Variants in KDM5A observed in about 807,000 individuals in gnomAD.
KDM5A encodes lysine-specific demethylase 5A.
In KDM5A, 42 loss-of-function variants were observed where a neutral mutation model predicts 193.5. The ratio of observed to expected loss-of-function variants is 0.22; its 90% CI spans 0.17 to 0.28. The LOEUF (loss-of-function observed/expected upper bound fraction) is 0.28. KDM5A is among the 10% of genes least tolerant of loss of function. The pLI is 1.00. For synonymous variants in KDM5A, 796 were observed against 718.1 expected (o/e 1.11, Z -1.73); for missense variants, 1,692 against 2,055.1 (o/e 0.82, Z 3.42).
At chr12:378,011 T>C (rs1944528702) in intron 3 of KDM5A, among the ~76,000 whole-genome samples, 1 of 152,218 alleles carries the variant, frequency 6.6e-6, no homozygotes, top group Admixed American at 6.5e-5. Flanking sequence ...TAAAAATTAA[T>C]GTAACTACAC....
rs16929172 is a variant in KDM5A at position 289,299 on chromosome 12, T to A, written c.4866+3460A>T. Among the ~76,000 whole-genome samples the A allele has an allele frequency of 2.6e-3, 390 of 152,272 alleles. 16 individuals carry two copies. The East Asian group carries it at 0.067, about 26-fold the overall frequency. On this transcript the variant is annotated intron_variant, in intron 27 of 27. Coordinates refer to ENST00000399788, the MANE Select transcript of KDM5A (RefSeq NM_001042603.3). ...GATATTTTTTCTAGTTAACTTGTTT[T>A]ATCTTTGGTACCAATAAGACTGAAT...
intron 3 of KDM5A, among the ~76,000 whole-genome samples, chr12:370,967 A>G (rs1944420490): frequency 6.6e-6 from 1 of 152,196 alleles, no homozygotes. Flanking sequence ...ATGGCTGCAT[A>G]GTATTCCATG....
intron 3 of KDM5A, among the ~76,000 whole-genome samples, chr12:379,053 A>G (rs1186905499): frequency 2.0e-5 from 3 of 152,090 alleles, no homozygotes; most frequent in African/African-American, 7.2e-5. Context: ...TAATAGGGAG[A>G]AAGATGAAGT....
rs1317297278 is a variant in KDM5A at position 318,161 on chromosome 12, G to A, written c.2842C>T (p.Leu948Phe). 2 of 1,614,102 alleles carry A rather than the reference G, an allele frequency of 1.2e-6. No homozygotes were observed. The highest frequency in any genetic ancestry group is 1.7e-5 in the Admixed American group (1 of 60,010). The change falls in exon 19 of 28, where the codon CTC (leucine) becomes TTC (phenylalanine). Residue 948 changes from leucine (L) to phenylalanine (F), a missense_variant. Leu to Phe is a conservative substitution (Grantham distance 22). This residue lies in a region of KDM5A where 965 missense variants were observed against 1,061.0 expected (regional missense o/e 0.91). Coordinates refer to ENST00000399788, the MANE Select transcript of KDM5A (RefSeq NM_001042603.3). ...TCCCATCGTTCAGAGACTGTAAGGA[G>A]CTCCTGTAGTTCAGCCATTGCTTTC... The part of the protein sequence containing the change: ...VEKAMAELQE[L>F]LTVSERWEEK...
At chr12:315,385 C>T (rs1263478350) in intron 19 of KDM5A, among the ~76,000 whole-genome samples, 1 of 152,014 alleles carries the variant, frequency 6.6e-6, no homozygotes, top group Non-Finnish European at 1.5e-5. Context: ...ACAAGGCTGG[C>T]CAACATGGCG....
intron 10 of KDM5A, among the ~76,000 whole-genome samples, chr12:342,893 C>T (rs1036454164): frequency 2.6e-5 from 4 of 151,884 alleles, no homozygotes; most frequent in African/African-American, 9.7e-5. Context: ...GCATTTCCAA[C>T]TGAGATACCT....
chr12:349,393 T>A (rs188970270), intron 10 of KDM5A, among the ~76,000 whole-genome samples: 1 of 148,016 alleles, frequency 6.8e-6, no homozygotes, highest in South Asian at 2.1e-4. Context: ...TGCAGTGGCA[T>A]GATCTCAGCT....
At chr12:343,497 C>A (rs1207299876) in intron 10 of KDM5A, among the ~76,000 whole-genome samples, 1 of 152,150 alleles carries the variant, frequency 6.6e-6, no homozygotes, top group Non-Finnish European at 1.5e-5. Context: ...CTGGGAGACA[C>A]CCCTAGTAGG....
At position 285,246 on chromosome 12, in the gene KDM5A, A is replaced by G. The variant is rs574588609; in HGVS notation, c.*210T>C. ...GGAGACATGAAATATTGGCTGTTGTACCAAAGAAGACACCCTCTGCATAGA... is the reference window on the plus strand; with the variant it reads ...GGAGACATGAAATATTGGCTGTTGTGCCAAAGAAGACACCCTCTGCATAGA... On this transcript the variant is annotated 3_prime_UTR_variant, in exon 28 of 28. Coordinates refer to ENST00000399788, the MANE Select transcript of KDM5A (RefSeq NM_001042603.3). 1.7e-6 allele frequency: 1 copy of G among 595,482 alleles called. No homozygotes were observed. Among genetic ancestry groups the G allele is most frequent in the East Asian group, 2.8e-5 (1 of 36,026 alleles). 36.9% of individuals were successfully genotyped at this position (595,482 alleles called of 1,614,324 possible).
At chr12:342,044 T>C (rs1003108943) in intron 10 of KDM5A, among the ~76,000 whole-genome samples, 4 of 151,962 alleles carry the variant, frequency 2.6e-5, no homozygotes, top group African/African-American at 9.7e-5. Context: ...ACTGTCAGCT[T>C]AGGAAAAAAA....
At chr12:320,555 C>T (rs1270798098) in intron 18 of KDM5A, among the ~76,000 whole-genome samples, 4 of 151,974 alleles carry the variant, frequency 2.6e-5, no homozygotes, top group Non-Finnish European at 5.9e-5. Flanking sequence ...CCCTCAAACA[C>T]AAAAACACCC....
chr12:350,844 T>C, intron 9 of KDM5A, 65 bp from the exon 10 acceptor site: 1 of 1,397,594 alleles, frequency 7.2e-7, no homozygotes, highest in Non-Finnish European at 1.0e-6. Flanking sequence ...TATAACATAA[T>C]ACACAGGATC....
At chr12:356,287 A>G (rs1944228536) in intron 6 of KDM5A, 145 bp downstream of exon 6, 2 of 658,064 alleles carry the variant, frequency 3.0e-6, no homozygotes, top group Non-Finnish European at 5.4e-6. Flanking sequence ...TCTGGCATTA[A>G]AAAAGGCGAT....
intron 10 of KDM5A, among the ~76,000 whole-genome samples, chr12:347,593 C>T (rs1591924551): frequency 6.6e-6 from 1 of 152,140 alleles, no homozygotes; most frequent in African/African-American, 2.4e-5. Flanking sequence ...GAACAGAGCC[C>T]TCAGAAATAA....
At chr12:330,528 G>A (rs1196916266) in intron 13 of KDM5A, among the ~76,000 whole-genome samples, 2 of 152,120 alleles carry the variant, frequency 1.3e-5, no homozygotes, top group Non-Finnish European at 2.9e-5. Flanking sequence ...AATGGGAACA[G>A]CAGAAACTAT....
At chr12:322,341 A>T in intron 17 of KDM5A, 76 bp downstream of exon 17, 1 of 1,371,990 alleles carries the variant, frequency 7.3e-7, no homozygotes, top group Non-Finnish European at 1.0e-6. Flanking sequence ...ACGGCTTCAC[A>T]GGCCGGATAA....
rs1267048854 is a variant in KDM5A, at chr12:280,909, T to C, written c.*4547A>G. 2 of 232,944 alleles carry C rather than the reference T, an allele frequency of 8.6e-6. No individual in the cohort carries two copies. Among genetic ancestry groups the C allele is most frequent in the Non-Finnish European group, 1.7e-5 (2 of 117,934 alleles). 14.4% of individuals were successfully genotyped at this position (232,944 alleles called of 1,614,324 possible). On this transcript the variant is annotated 3_prime_UTR_variant, in exon 28 of 28. Transcript: ENST00000399788. The stretch of plus-strand genomic sequence containing the variant: ...CAAATTATTTTGGCTCAGTTCTTTA[T>C]TTTATAGTTAGCAAATGAAATTAGA...
rs141263059 is a variant in KDM5A, at chr12:345,897, G to A, written c.1308+4724C>T. 3.6e-3 allele frequency among the ~76,000 whole-genome samples: 555 copies of A among 152,100 alleles called. 3 individuals are homozygous for A. The highest frequency in any genetic ancestry group is 0.013 in the African/African-American group (534 of 41,472). ...CAAGCAAATTCAAAAGCTAGCAGAA[G>A]GCAAGAAATAACTAAGATCAGAGCA... On this transcript the variant is annotated intron_variant, in intron 10 of 27. Coordinates refer to ENST00000399788, the MANE Select transcript of KDM5A (RefSeq NM_001042603.3).
Position 337,921 on chromosome 12 carries a change from G to A in KDM5A, c.1309-3499C>T, listed in dbSNP as rs1943954025. ...ACCTCCCAAAGTGCTGAGATTACAAGCATGAGCCACCGTGCCCAGCCTATT... is the reference window on the plus strand; with the variant it reads ...ACCTCCCAAAGTGCTGAGATTACAAACATGAGCCACCGTGCCCAGCCTATT... On this transcript the variant is annotated intron_variant, in intron 10 of 27. Transcript: ENST00000399788. 2.0e-5 allele frequency among the ~76,000 whole-genome samples: 3 copies of A among 152,234 alleles called. No homozygotes were observed. The South Asian group carries it at 6.2e-4, about 32-fold the overall frequency.
Sources: allele counts gnomAD v4.1 joint callset (sites outside exome capture counted in the v4.1 genomes callset), GRCh38; gene constraint gnomAD v4.1.1; regional missense constraint gnomAD v4.1.1; transcripts MANE v1.5; gene names NCBI Gene and HGNC (gene_info 2026-07-23, HGNC 2026-07-21).